Variants in CFTR observed in about 807,000 individuals in gnomAD.
CFTR encodes the protein cystic fibrosis transmembrane conductance regulator.
In CFTR, 181 loss-of-function variants were observed where a neutral mutation model predicts 171.6. That is an observed-to-expected ratio of 1.05 (90% CI 0.93 to 1.19). The LOEUF is 1.19. Ranked by LOEUF, CFTR falls within the 50% of genes most tolerant of loss-of-function variation. The pLI, the probability that CFTR is intolerant of heterozygous loss-of-function variation, is 0.00. For synonymous variants in CFTR, 583 were observed against 608.0 expected (o/e 0.96, Z 0.60); for missense variants, 1,968 against 1,734.7 (o/e 1.13, Z -2.39).
At chr7:117,621,532 A>G (rs770866552) in intron 21 of CFTR, among the ~76,000 whole-genome samples, 7 of 152,146 alleles carry the variant, frequency 4.6e-5, no homozygotes, top group Non-Finnish European at 8.8e-5. Flanking sequence ...GAATTGATGG[A>G]CCACCAGCAA....
In CFTR at chr7:117,667,075, G is replaced by A. The variant is rs1466916972; in HGVS notation, c.4410G>A (p.Glu1470=). The change falls in exon 27 of 27, where the codon GAG becomes GAA. Residue 1470 remains glutamate (E), a synonymous_variant. Transcript: ENST00000003084. Reference sequence around the variant, plus strand: ...CCCAGATTGCTGCTCTGAAAGAGGAGACAGAAGAAGAGGTGCAAGATACAA... The same window carrying A: ...CCCAGATTGCTGCTCTGAAAGAGGAAACAGAAGAAGAGGTGCAAGATACAA... The part of the protein sequence containing the change: ...SKPQIAALKE[E]TEEEVQDTRL 3 of 1,614,020 alleles carry A rather than the reference G, an allele frequency of 1.9e-6. No individual in the cohort carries two copies. The highest frequency in any genetic ancestry group is 2.2e-5 in the East Asian group (1 of 44,842).
chr7:117,556,837 G>A (rs1370888528), intron 10 of CFTR, among the ~76,000 whole-genome samples: 2 of 151,974 alleles, frequency 1.3e-5, no homozygotes, highest in Non-Finnish European at 2.9e-5. Flanking sequence ...TTCTTATATC[G>A]TATTTTTGCA....
At position 117,642,481 on chromosome 7, in the gene CFTR, T is replaced by G. The variant is rs397508604; in HGVS notation, c.3761T>G (p.Leu1254Ter). 6.2e-6 allele frequency: 10 copies of G among 1,613,712 alleles called. No individual in the cohort carries two copies. Among genetic ancestry groups the G allele is most frequent in the Non-Finnish European group, 7.6e-6 (9 of 1,179,708 alleles). The change falls in exon 23 of 27, where the codon TTA becomes TGA. Residue 1254 changes from leucine (L) to a stop codon, truncating the protein, a stop_gained. Transcript: ENST00000003084. LOFTEE classifies it high-confidence loss of function. ...ACTGGATCAGGGAAGAGTACTTTGT[T>G]ATCAGCTTTTTTGAGACTACTGAAC... ...GRTGSGKSTL[L>*]SAFLRLLNTE... is the part of the protein sequence containing the mutation.
chr7:117,648,159 GCA>G (rs139362505), intron 23 of CFTR, among the ~76,000 whole-genome samples: 6 of 147,344 alleles, frequency 4.1e-5, no homozygotes, highest in Admixed American at 2.0e-4. Flanking sequence ...ATATATACAC[GCA>G]CACACACACA....
At position 117,559,476 on chromosome 7, in the gene CFTR, A is replaced by G. The variant is rs397508203; in HGVS notation, c.1405A>G (p.Met469Val). 7.5e-6 allele frequency: 12 copies of G among 1,603,778 alleles called. No homozygotes were observed. Among genetic ancestry groups the G allele is most frequent in the East Asian group, 6.7e-5 (3 of 44,748 alleles). Residue 469 changes from methionine to valine, a missense_variant, in exon 11 of 27, where the codon ATG becomes GTG. Physicochemically the swap from Met to Val is conservative, Grantham distance 21. Coordinates refer to ENST00000003084, the MANE Select transcript of CFTR (RefSeq NM_000492.4). ...GTTTTATTTCCAGACTTCACTTCTAATGGTGATTATGGGAGAACTGGAGCC... is the reference window on the plus strand; with the variant it reads ...GTTTTATTTCCAGACTTCACTTCTAGTGGTGATTATGGGAGAACTGGAGCC... ...STGAGKTSLL[M>V]VIMGELEPSE...
chr7:117,633,910 T>C (rs772111299), intron 22 of CFTR, among the ~76,000 whole-genome samples: 3 of 152,092 alleles, frequency 2.0e-5, no homozygotes, highest in Non-Finnish European at 2.9e-5. Flanking sequence ...TAATACTTTT[T>C]GAGAATTTTT....
At chr7:117,556,146 C>T (rs1411579194) in intron 10 of CFTR, among the ~76,000 whole-genome samples, 1 of 151,808 alleles carries the variant, frequency 6.6e-6, no homozygotes, top group African/African-American at 2.4e-5. Context: ...CTCACTGCAA[C>T]CTCTGCCTCC....
intron 22 of CFTR, among the ~76,000 whole-genome samples, chr7:117,640,484 C>T (rs1234433037): frequency 6.6e-6 from 1 of 152,080 alleles, no homozygotes; most frequent in Non-Finnish European, 1.5e-5. Flanking sequence ...TTTATCTAAT[C>T]CTCATTAGAA....
chr7:117,603,443 T>G, intron 16 of CFTR, 89 bp from the exon 17 acceptor site: 1 of 1,450,076 alleles, frequency 6.9e-7, no homozygotes, highest in Non-Finnish European at 9.6e-7. Flanking sequence ...TTGTATTTAT[T>G]TAGACTCAAG....
chr7:117,534,399 A>G lies in CFTR; in HGVS notation c.579+34A>G, dbSNP rs148209839. On this transcript the variant is annotated intron_variant, in intron 5 of 26. Transcript: ENST00000003084. ...CTATTGATTTAATCTTTTAGGCACT[A>G]TTGTTATAAATTATACAACTGGAAA... 1.8e-6 allele frequency: 2 copies of G among 1,115,818 alleles called. No homozygotes were observed. The highest frequency in any genetic ancestry group is 1.5e-5 in the African/African-American group (1 of 65,376). The allele number at this position is 1,115,818 out of a possible 1,614,324, so 69.1% of individuals were successfully genotyped here.
intron 20 of CFTR, 41 bp from the exon 21 acceptor site, chr7:117,614,572 A>C: frequency 7.8e-7 from 1 of 1,289,544 alleles, no homozygotes; most frequent in Non-Finnish European, 1.1e-6. Context: ...CAGAAGAGAG[A>C]AATAACATGA....
rs1239792142 is a variant in CFTR, at chr7:117,517,227, G to A, written c.273+8085G>A. Among the ~76,000 whole-genome samples the A allele has an allele frequency of 2.6e-5, 4 of 151,988 alleles. No homozygotes were observed. The East Asian group carries it at 7.8e-4, about 30-fold the overall frequency. ...CCCCTTGCTCCCCACCCCCTCACAG[G>A]CCCCTGTGTGTGATGTTCCCCTCCC... On this transcript the variant is annotated intron_variant, in intron 3 of 26. Coordinates refer to ENST00000003084, the MANE Select transcript of CFTR (RefSeq NM_000492.4).
chr7:117,639,016 G>A (rs1792872752), intron 22 of CFTR, among the ~76,000 whole-genome samples: 1 of 152,110 alleles, frequency 6.6e-6, no homozygotes, highest in South Asian at 2.1e-4. Flanking sequence ...GAAAAAAGCA[G>A]TTGAAATTTA....
At chr7:117,601,419 A>T (rs1792222986) in intron 15 of CFTR, among the ~76,000 whole-genome samples, 1 of 152,132 alleles carries the variant, frequency 6.6e-6, no homozygotes, top group Non-Finnish European at 1.5e-5. Flanking sequence ...TTTCATCGTT[A>T]TACTATCTGA....
At chr7:117,626,281 A>G (rs1243637473) in intron 21 of CFTR, among the ~76,000 whole-genome samples, 1 of 152,096 alleles carries the variant, frequency 6.6e-6, no homozygotes, top group Non-Finnish European at 1.5e-5. Context: ...TTATCCACCA[A>G]TCATTCCATA....
At chr7:117,501,804 CA>C (rs1475734178) in intron 1 of CFTR, among the ~76,000 whole-genome samples, 2 of 73,746 alleles carry the variant, frequency 2.7e-5, no homozygotes, top group Non-Finnish European at 6.8e-5. Context: ...AAAAAGCAAA[CA>C]AACAAAAAAA....
chr7:117,535,403 G>A lies in CFTR; in HGVS notation c.735G>A (p.Met245Ile). The change falls in exon 6 of 27, where the codon ATG becomes ATA. Residue 245 changes from methionine (M) to isoleucine (I), a missense_variant. Physicochemically the swap from Met to Ile is conservative, Grantham distance 10. Coordinates refer to ENST00000003084, the MANE Select transcript of CFTR (RefSeq NM_000492.4). Reference sequence around the variant, plus strand: ...AGGCTGGGCTAGGGAGAATGATGATGAAGTACAGGTAGCAACCTATTTTCA... The same window carrying A: ...AGGCTGGGCTAGGGAGAATGATGATAAAGTACAGGTAGCAACCTATTTTCA... ...LFQAGLGRMM[M>I]KYRDQRAGKI... 1 of 1,613,890 alleles carries A rather than the reference G, an allele frequency of 6.2e-7. No homozygotes were observed. The highest frequency in any genetic ancestry group is 8.5e-7 in the Non-Finnish European group (1 of 1,179,938).
chr7:117,540,036 C>A, intron 7 of CFTR, 64 bp from the exon 8 acceptor site: 2 of 1,387,384 alleles, frequency 1.4e-6, no homozygotes, highest in East Asian at 2.4e-5. Flanking sequence ...TCTTCCATTC[C>A]AAGATCCCTG....
At chr7:117,495,943 A>G (rs775041825) in intron 1 of CFTR, among the ~76,000 whole-genome samples, 1 of 152,296 alleles carries the variant, frequency 6.6e-6, no homozygotes, top group East Asian at 1.9e-4. Context: ...TAGTATCTTC[A>G]AAGAGTTGCC....
Sources: allele counts gnomAD v4.1 joint callset (sites outside exome capture counted in the v4.1 genomes callset), GRCh38; gene constraint gnomAD v4.1.1; transcripts MANE v1.5; gene names NCBI Gene and HGNC (gene_info 2026-07-23, HGNC 2026-07-21).